Variants in NELL1 observed in about 807,000 individuals in gnomAD.
NELL1 encodes neural EGFL like 1, also known as protein kinase C-binding protein NELL1.
In NELL1, 76 loss-of-function variants were observed where a neutral mutation model predicts 107.4. That is an observed-to-expected ratio of 0.71 (90% CI 0.59 to 0.86). The LOEUF is 0.86. Ranked by LOEUF, NELL1 falls within the 40% of genes least tolerant of loss-of-function variation. The probability of loss-of-function intolerance (pLI) is 0.00; values close to 1 mark genes in which losing one functional copy is unlikely to be tolerated. For synonymous variants in NELL1, 353 were observed against 341.2 expected (o/e 1.03, Z -0.38); for missense variants, 1,024 against 1,005.5 (o/e 1.02, Z -0.25).
chr11:20,718,174 A>G lies in NELL1; in HGVS notation c.184+40114A>G, dbSNP rs190613396. On this transcript the variant is annotated intron_variant, in intron 2 of 19. Coordinates refer to ENST00000357134, the MANE Select transcript of NELL1 (RefSeq NM_006157.5). ...GGTTATTCCAGAGCAGCATTATCCA[A>G]TAGAACTTTCTGTGATGATGGAAAA... Among the ~76,000 whole-genome samples the G allele has an allele frequency of 8.7e-4, 133 of 152,332 alleles. 1 individual carries two copies. Among genetic ancestry groups the G allele is most frequent in the African/African-American group, 2.9e-3 (120 of 41,580 alleles).
intron 3 of NELL1, among the ~76,000 whole-genome samples, chr11:20,811,643 A>G (rs1298009640): frequency 6.6e-6 from 1 of 152,014 alleles, no homozygotes; most frequent in East Asian, 1.9e-4. Context: ...TTCATTGTAG[A>G]GTTCTTTTAC....
chr11:21,422,104 TG>T (rs1852691064), intron 15 of NELL1, among the ~76,000 whole-genome samples: 1 of 143,048 alleles, frequency 7.0e-6, no homozygotes, highest in Non-Finnish European at 1.5e-5. Context: ...TATGTGTGTG[TG>T]TGTGTGTGTG....
At chr11:20,963,336 A>G (rs879292735) in intron 12 of NELL1, among the ~76,000 whole-genome samples, 10 of 152,214 alleles carry the variant, frequency 6.6e-5, no homozygotes, top group South Asian at 4.1e-4. Flanking sequence ...CACCACTTCT[A>G]TCCTCACCAC....
chr11:21,483,988 A>AACAT (rs1343965788), intron 15 of NELL1, among the ~76,000 whole-genome samples: 7 of 66,422 alleles, frequency 1.1e-4, no homozygotes, highest in Non-Finnish European at 1.5e-4. Context: ...TATTTTACTT[A>AACAT]ACATATATAT....
At chr11:20,790,516 G>A (rs772255967) in intron 3 of NELL1, among the ~76,000 whole-genome samples, 1 of 152,260 alleles carries the variant, frequency 6.6e-6, no homozygotes, top group Admixed American at 6.5e-5. Flanking sequence ...GTCTCCAAGA[G>A]TGCAGGGATG....
intron 14 of NELL1, among the ~76,000 whole-genome samples, chr11:21,322,985 A>G (rs2133669888): frequency 6.6e-6 from 1 of 152,192 alleles, no homozygotes; most frequent in South Asian, 2.1e-4. Context: ...GTTGTATAAA[A>G]AAGTGATCGG....
At chr11:21,526,706 G>T (rs964475065) in intron 15 of NELL1, among the ~76,000 whole-genome samples, 92 of 152,146 alleles carry the variant, frequency 6.0e-4, no homozygotes, top group African/African-American at 2.1e-3. Flanking sequence ...GCTGTTAAGG[G>T]TTAGAGCTTG....
intron 3 of NELL1, among the ~76,000 whole-genome samples, chr11:20,828,267 A>C (rs1857927793): frequency 6.6e-6 from 1 of 151,372 alleles, no homozygotes. Flanking sequence ...TTTAGATCCC[A>C]CGCTTTCTGT....
chr11:21,241,794 T>C (rs943283053), intron 14 of NELL1, among the ~76,000 whole-genome samples: 24 of 152,042 alleles, frequency 1.6e-4, no homozygotes, highest in African/African-American at 4.1e-4. Context: ...TGCCACTCTG[T>C]TTGCTTTCTG....
chr11:20,920,394 A>G (rs1346126099), intron 7 of NELL1, among the ~76,000 whole-genome samples: 1 of 152,084 alleles, frequency 6.6e-6, no homozygotes, highest in Non-Finnish European at 1.5e-5. Context: ...GCTGAAGACA[A>G]TGTTTCTATT....
intron 13 of NELL1, among the ~76,000 whole-genome samples, chr11:21,197,397 C>A (rs564217765): frequency 7.7e-6 from 1 of 129,756 alleles, no homozygotes; most frequent in Admixed American, 8.6e-5. Flanking sequence ...CCTGTAGATT[C>A]TCCAGAAAGA....
chr11:21,259,102 G>T (rs904014113), intron 14 of NELL1, among the ~76,000 whole-genome samples: 1 of 151,816 alleles, frequency 6.6e-6, no homozygotes, highest in Non-Finnish European at 1.5e-5. Context: ...GCGGGAGGGG[G>T]GCAGTGCAAA....
At chr11:20,778,823 T>C (rs1385276573) in intron 2 of NELL1, among the ~76,000 whole-genome samples, 1 of 152,156 alleles carries the variant, frequency 6.6e-6, no homozygotes, top group Non-Finnish European at 1.5e-5. Flanking sequence ...AATACTTGAA[T>C]CATGTTTAAA....
intron 12 of NELL1, among the ~76,000 whole-genome samples, chr11:21,082,122 C>T (rs986747524): frequency 2.0e-5 from 3 of 152,082 alleles, no homozygotes; most frequent in East Asian, 3.9e-4. Flanking sequence ...TTTACAATGG[C>T]GATCATTTCT....
At chr11:21,534,895 A>G (rs1036414782) in intron 16 of NELL1, among the ~76,000 whole-genome samples, 3 of 152,166 alleles carry the variant, frequency 2.0e-5, no homozygotes, top group Non-Finnish European at 4.4e-5. Flanking sequence ...ATTTAGATTA[A>G]GAAAGTTTAG....
chr11:21,014,253 G>A (rs1386448748), intron 12 of NELL1, among the ~76,000 whole-genome samples: 4 of 152,020 alleles, frequency 2.6e-5, no homozygotes, highest in Non-Finnish European at 5.9e-5. Context: ...CTTCCACTTG[G>A]CAGATTGCAT....
At chr11:20,915,698 A>G (rs1850229379) in intron 5 of NELL1, among the ~76,000 whole-genome samples, 1 of 16,766 alleles carries the variant, frequency 6.0e-5, no homozygotes, top group African/African-American at 1.2e-4. Flanking sequence ...ATCCTCATAG[A>G]TGATATATAT....
In NELL1 at chr11:20,677,611, A is replaced by T. The variant is rs528011423; in HGVS notation, c.56-321A>T. 7.9e-5 allele frequency among the ~76,000 whole-genome samples: 12 copies of T among 152,328 alleles called. No individual in the cohort carries two copies. In the South Asian group the frequency reaches 2.5e-3, roughly 32 times the overall value. On this transcript the variant is annotated intron_variant, in intron 1 of 19. Coordinates refer to ENST00000357134, the MANE Select transcript of NELL1 (RefSeq NM_006157.5). ...AGTTAGACTTTGCTAAAAATGTTAC[A>T]TAAAATGTAGTATATAGGCCATATT...
At chr11:21,496,889 T>A (rs1854994436) in intron 15 of NELL1, among the ~76,000 whole-genome samples, 1 of 152,148 alleles carries the variant, frequency 6.6e-6, no homozygotes, top group South Asian at 2.1e-4. Flanking sequence ...GGTTTTTTTG[T>A]CCTTGCAATA....
Sources: allele counts gnomAD v4.1 joint callset (sites outside exome capture counted in the v4.1 genomes callset), GRCh38; gene constraint gnomAD v4.1.1; transcripts MANE v1.5; gene names NCBI Gene and HGNC (gene_info 2026-07-23, HGNC 2026-07-21).